Variants in FYTTD1 observed in about 807,000 individuals in gnomAD.
FYTTD1 encodes UAP56-interacting factor.
FYTTD1 carries 22 observed loss-of-function variants against 40.9 expected under a neutral mutation model. That is an observed-to-expected ratio of 0.54 (90% CI 0.38 to 0.77). The LOEUF is 0.77. Among genes scored for constraint, FYTTD1 ranks in the 30% least tolerant of loss-of-function variants. The pLI is 0.00. For synonymous variants in FYTTD1, 140 were observed against 137.9 expected (o/e 1.01, Z -0.10); for missense variants, 351 against 392.2 (o/e 0.90, Z 0.89).
At position 197,781,931 on chromosome 3, in the gene FYTTD1, T is replaced by C. The variant is rs1221023642; in HGVS notation, c.*22T>C. 6.8e-7 allele frequency: 1 copy of C among 1,465,312 alleles called. No homozygotes were observed. Among genetic ancestry groups the C allele is most frequent in the East Asian group, 2.3e-5 (1 of 43,286 alleles). 90.8% of individuals were successfully genotyped at this position (1,465,312 alleles called of 1,614,324 possible). On this transcript the variant is annotated 3_prime_UTR_variant, in exon 9 of 9. Coordinates refer to ENST00000241502, the MANE Select transcript of FYTTD1 (RefSeq NM_032288.7). ...ATAGGTCCCATGTCAAAGGAACTTT[T>C]GAGTGATGACTCTGAGAAGTTGAAT...
At chr3:197,777,990 G>A (rs1232616789) in intron 7 of FYTTD1, among the ~76,000 whole-genome samples, 1 of 152,176 alleles carries the variant, frequency 6.6e-6, no homozygotes. Flanking sequence ...GGGATTATAG[G>A]CCCGAGCCAC....
chr3:197,769,067 AAATG>A (rs946087442), intron 3 of FYTTD1, among the ~76,000 whole-genome samples: 1 of 148,336 alleles, frequency 6.7e-6, no homozygotes, highest in Non-Finnish European at 1.5e-5. Flanking sequence ...GCCTGGCCGA[AAATG>A]AAGAGTTTTT....
intron 4 of FYTTD1, among the ~76,000 whole-genome samples, chr3:197,770,523 C>A (rs573037168): frequency 3.9e-5 from 6 of 152,200 alleles, no homozygotes; most frequent in Non-Finnish European, 5.9e-5. Flanking sequence ...AAAAGCTGAT[C>A]ACTTTAGTAG....
intron 8 of FYTTD1, among the ~76,000 whole-genome samples, chr3:197,780,241 A>G (rs1729994095): frequency 6.6e-6 from 1 of 152,124 alleles, no homozygotes; most frequent in African/African-American, 2.4e-5. Context: ...TATTTTTTGT[A>G]GAGACAGGGT....
intron 2 of FYTTD1, among the ~76,000 whole-genome samples, chr3:197,765,109 T>C (rs1259793682): frequency 6.6e-6 from 1 of 152,162 alleles, no homozygotes; most frequent in Non-Finnish European, 1.5e-5. Flanking sequence ...CGCCTCAGCC[T>C]CACTAAATGT....
At chr3:197,761,421 AGTT>A (rs1490431680) in intron 2 of FYTTD1, among the ~76,000 whole-genome samples, 1 of 151,702 alleles carries the variant, frequency 6.6e-6, no homozygotes, top group African/African-American at 2.4e-5. Flanking sequence ...GAATGTATAG[AGTT>A]GTTCCTCAGT....
At chr3:197,752,215 G>T (rs898468463) in intron 1 of FYTTD1, among the ~76,000 whole-genome samples, 1 of 152,164 alleles carries the variant, frequency 6.6e-6, no homozygotes, top group African/African-American at 2.4e-5. Context: ...TGTGAGGGTT[G>T]TACTCCTAGT....
At chr3:197,763,138 G>A (rs1177842618) in intron 2 of FYTTD1, among the ~76,000 whole-genome samples, 1 of 152,064 alleles carries the variant, frequency 6.6e-6, no homozygotes, top group African/African-American at 2.4e-5. Context: ...TTTTGGCCGG[G>A]CGTGGTGGCT....
intron 2 of FYTTD1, among the ~76,000 whole-genome samples, chr3:197,766,692 C>T (rs1729561061): frequency 6.6e-6 from 1 of 152,078 alleles, no homozygotes; most frequent in Admixed American, 6.5e-5. Flanking sequence ...ATCCATCCTT[C>T]TCAGTCTCCC....
At chr3:197,766,531 T>C (rs893569103) in intron 2 of FYTTD1, among the ~76,000 whole-genome samples, 36 of 151,458 alleles carry the variant, frequency 2.4e-4, no homozygotes, top group African/African-American at 8.7e-4. Context: ...TAACCTCTGC[T>C]TCCCAGGCTC....
chr3:197,758,109 G>A (rs1392930389), intron 2 of FYTTD1, among the ~76,000 whole-genome samples: 1 of 152,160 alleles, frequency 6.6e-6, no homozygotes, highest in Non-Finnish European at 1.5e-5. Flanking sequence ...CTCCACGTTG[G>A]TCAGGCTGGT....
chr3:197,756,674 C>A, intron 2 of FYTTD1, 117 bp downstream of exon 2: 2 of 953,566 alleles, frequency 2.1e-6, no homozygotes, highest in Non-Finnish European at 3.2e-6. Flanking sequence ...TTTTGTGTTT[C>A]CTCTATGCCT....
Position 197,783,150 on chromosome 3 carries a change from T to C in FYTTD1, c.*1241T>C, listed in dbSNP as rs1028542582. ...TGACGGAGTGGGAGAAGTTAGTCTG[T>C]GCTAAGATAGTACTGAGTCCCCAGA... On this transcript the variant is annotated 3_prime_UTR_variant, in exon 9 of 9. Coordinates refer to ENST00000241502, the MANE Select transcript of FYTTD1 (RefSeq NM_032288.7). The C allele has an allele frequency of 6.6e-6, 1 of 152,652 alleles. No individual in the cohort carries two copies. Among genetic ancestry groups the C allele is most frequent in the Non-Finnish European group, 1.5e-5 (1 of 68,046 alleles). 9.5% of individuals were successfully genotyped at this position (152,652 alleles called of 1,614,324 possible).
chr3:197,750,623 T>C (rs557734199), intron 1 of FYTTD1: 15 of 984,960 alleles, frequency 1.5e-5, no homozygotes, highest in Middle Eastern at 5.2e-4. Context: ...CGGGCGCGAC[T>C]CTCGGGGCCA....
chr3:197,778,242 C>T, intron 7 of FYTTD1, 96 bp from the exon 8 acceptor site: 1 of 902,682 alleles, frequency 1.1e-6, no homozygotes, highest in Non-Finnish European at 1.6e-6. Context: ...GGCCCTAATA[C>T]ATTTGAACAT....
intron 1 of FYTTD1, among the ~76,000 whole-genome samples, chr3:197,754,659 TTTTC>T (rs1225531064): frequency 2.3e-4 from 35 of 151,614 alleles, no homozygotes; most frequent in African/African-American, 8.5e-4. Flanking sequence ...GGGTTTTTTT[TTTTC>T]TTTCTTTTTT....
chr3:197,752,074 C>T (rs1039430718), intron 1 of FYTTD1, among the ~76,000 whole-genome samples: 12 of 152,176 alleles, frequency 7.9e-5, no homozygotes, highest in African/African-American at 2.9e-4. Flanking sequence ...CAGGGTTTCA[C>T]CATGTTGGCC....
chr3:197,750,285 T>G, intron 1 of FYTTD1: 1 of 1,030,012 alleles, frequency 9.7e-7, no homozygotes, highest in Non-Finnish European at 1.2e-6. Flanking sequence ...GGGCGTCCCC[T>G]CGGCCGCGGC....
Position 197,762,989 on chromosome 3 carries a change from T to C in FYTTD1, c.236-5450T>C, listed in dbSNP as rs570368203. On this transcript the variant is annotated intron_variant, in intron 2 of 8. Coordinates refer to ENST00000241502, the MANE Select transcript of FYTTD1 (RefSeq NM_032288.7). ...ACCTGTGTAACAAACCTGCACATCC[T>C]GCACGTGTACCCCAACCTTAAAATA... Among the ~76,000 whole-genome samples, 35 of 152,362 alleles carry C rather than the reference T, an allele frequency of 2.3e-4. No homozygotes were observed. In the South Asian group the frequency reaches 7.0e-3, roughly 31 times the overall value.
Sources: allele counts gnomAD v4.1 joint callset (sites outside exome capture counted in the v4.1 genomes callset), GRCh38; gene constraint gnomAD v4.1.1; transcripts MANE v1.5; gene names NCBI Gene and HGNC (gene_info 2026-07-23, HGNC 2026-07-21).